The following UTP11 variants were observed in gnomAD, a reference collection of about 807,000 sequenced individuals.
The protein encoded by UTP11 is UTP11 small subunit processome component.
UTP11 carries 29 observed loss-of-function variants against 39.0 expected under a neutral mutation model. The ratio of observed to expected loss-of-function variants is 0.74; its 90% CI spans 0.55 to 1.01. The LOEUF is 1.01. Among genes scored for constraint, UTP11 ranks in the 50% least tolerant of loss-of-function variants. The probability of loss-of-function intolerance (pLI) is 0.00; values close to 1 mark genes in which losing one functional copy is unlikely to be tolerated. For missense variants in UTP11, 281 were observed against 306.0 expected (o/e 0.92, Z 0.61); for synonymous variants, 111 against 105.0 (o/e 1.06, Z -0.35).
intron 2 of UTP11, 118 bp from the exon 3 acceptor site, chr1:38,017,550 G>A: frequency 1.3e-6 from 1 of 767,252 alleles, no homozygotes; most frequent in Non-Finnish European, 2.0e-6. Context: ...GCTTTTTTGA[G>A]TTTCACTCTG....
At chr1:38,018,316 C>T (rs1433429976) in intron 3 of UTP11, 148 bp from the exon 4 acceptor site, 2 of 514,722 alleles carry the variant, frequency 3.9e-6, no homozygotes, top group Middle Eastern at 5.4e-4. Flanking sequence ...AGTGATCTGC[C>T]CATCTCGGTC....
intron 4 of UTP11, 108 bp from the exon 5 acceptor site, chr1:38,018,951 G>T: frequency 1.1e-6 from 1 of 951,066 alleles, no homozygotes; most frequent in Non-Finnish European, 1.5e-6. Context: ...CAAGTTCTTT[G>T]CTGGCTGGCA....
intron 6 of UTP11, 113 bp from the exon 7 acceptor site, chr1:38,022,586 A>T (rs1646744420): frequency 4.4e-6 from 3 of 689,304 alleles, no homozygotes; most frequent in Non-Finnish European, 7.6e-6. Context: ...GATTCTGGTG[A>T]AAGAAGGGAG....
Position 38,017,648 on chromosome 1 carries a change from T to A in UTP11, c.126-20T>A. Reference sequence around the variant, plus strand: ...TATTTTTTTTTTTTTGCTATGAACCTCATTTAACCTGTCTTTTAGTGACTA... The same window carrying A: ...TATTTTTTTTTTTTTGCTATGAACCACATTTAACCTGTCTTTTAGTGACTA... On this transcript the variant is annotated intron_variant, in intron 2 of 7. Transcript: ENST00000373014. 1.9e-5 allele frequency: 24 copies of A among 1,257,666 alleles called. No homozygotes were observed. Among genetic ancestry groups the A allele is most frequent in the African/African-American group, 3.3e-5 (2 of 61,334 alleles). The allele number at this position is 1,257,666 out of a possible 1,614,324, so 77.9% of individuals were successfully genotyped here. A position where few individuals can be genotyped will look rare whatever the true frequency, so the allele number is the denominator to read the frequency against.
Position 38,019,123 on chromosome 1 carries a change from A to T in UTP11, c.407A>T (p.His136Leu). 1 of 1,614,120 alleles carries T rather than the reference A, an allele frequency of 6.2e-7. No homozygotes were observed. Residue 136 changes from histidine (H) to leucine (L), a missense_variant, in exon 5 of 8, where the codon CAT (histidine) becomes CTT (leucine). His to Leu is a moderately conservative substitution (Grantham distance 99). Transcript: ENST00000373014. ...TTCCAGGGGAAGCAACAGAACAAGCATGTGTTCTTTTTTGACACCAAAAAG... is the reference window on the plus strand; with the variant it reads ...TTCCAGGGGAAGCAACAGAACAAGCTTGTGTTCTTTTTTGACACCAAAAAG... ...LDFQGKQQNK[H>L]VFFFDTKKEV...
intron 1 of UTP11, among the ~76,000 whole-genome samples, chr1:38,013,834 C>T (rs762806687): frequency 1.3e-5 from 2 of 152,176 alleles, no homozygotes; most frequent in African/African-American, 4.8e-5. Flanking sequence ...CCTGCCTCAG[C>T]CTCTCGAGTA....
chr1:38,021,841 C>T (rs943571684), intron 6 of UTP11, among the ~76,000 whole-genome samples: 3 of 151,236 alleles, frequency 2.0e-5, no homozygotes, highest in Admixed American at 6.6e-5. Flanking sequence ...TGTAGCGAGC[C>T]GAGATAGTGC....
chr1:38,019,226 T>C (rs1646723246), intron 5 of UTP11, 27 bp from the exon 6 acceptor site: 3 of 1,614,064 alleles, frequency 1.9e-6, no homozygotes, highest in East Asian at 4.5e-5. Context: ...AAACCGACAG[T>C]GCCTTAAGGA....
In UTP11 at chr1:38,016,386, C is replaced by T; in HGVS notation, c.91C>T (p.Leu31=). ...TGGCTTTCGAAAACATCTGGGCCTG[C>T]TGGAGAAAAAGAAAGATTACAAACT... ...QPGFRKHLGL[L]EKKKDYKLRA... The change falls in exon 2 of 8, where the codon CTG becomes TTG. Residue 31 remains leucine (L), a synonymous_variant. Transcript: ENST00000373014. 3 of 1,614,176 alleles carry T rather than the reference C, an allele frequency of 1.9e-6. No individual in the cohort carries two copies. Among genetic ancestry groups the T allele is most frequent in the Non-Finnish European group, 2.5e-6 (3 of 1,180,010 alleles).
intron 6 of UTP11, among the ~76,000 whole-genome samples, chr1:38,020,888 T>G (rs901407988): frequency 3.9e-5 from 6 of 152,154 alleles, no homozygotes; most frequent in African/African-American, 1.4e-4. Context: ...CTCATGAGTG[T>G]TCTTGTGATA....
At chr1:38,016,203 G>T (rs1191200287) in intron 1 of UTP11, among the ~76,000 whole-genome samples, 156 bp from the exon 2 acceptor site, 1 of 152,284 alleles carries the variant, frequency 6.6e-6, no homozygotes, top group East Asian at 1.9e-4. Context: ...GCAGAGCCCA[G>T]TTGTGGGGAG....
rs772863653 is a variant in UTP11, at chr1:38,018,541, C to T, written c.306C>T (p.Val102=). The T allele has an allele frequency of 1.2e-6, 2 of 1,613,680 alleles. No individual in the cohort carries two copies. Among genetic ancestry groups the T allele is most frequent in the South Asian group, 2.2e-5 (2 of 91,008 alleles). The change falls in exon 4 of 8, where the codon GTC becomes GTT. Residue 102 remains valine (V), a synonymous_variant. Coordinates refer to ENST00000373014, the MANE Select transcript of UTP11 (RefSeq NM_016037.4). ...TAAAGCTGATGAGAACTCAGGACGT[C>T]AAATATATAGAAATGAAGAGGGTTG... The part of the protein sequence containing the change: ...EQLKLMRTQD[V]KYIEMKRVAE...
chr1:38,016,883 A>G (rs1400822048), intron 2 of UTP11: 1 of 166,770 alleles, frequency 6.0e-6, no homozygotes, highest in East Asian at 1.6e-4. Flanking sequence ...TTATAAAACA[A>G]TTATCCCCAT....
chr1:38,019,530 C>T (rs1315351583), intron 6 of UTP11, 147 bp downstream of exon 6: 4 of 750,160 alleles, frequency 5.3e-6, no homozygotes, highest in Non-Finnish European at 7.1e-6. Context: ...GTCTCCCAGG[C>T]TGGAGTGCAG....
chr1:38,023,293 T>G (rs115313813), intron 7 of UTP11, among the ~76,000 whole-genome samples: 1 of 152,236 alleles, frequency 6.6e-6, no homozygotes, highest in Admixed American at 6.5e-5. Flanking sequence ...ATTAAAATTA[T>G]AATTTTAAAT....
At position 38,017,657 on chromosome 1, in the gene UTP11, C is replaced by G; in HGVS notation, c.126-11C>G. Reference sequence around the variant, plus strand: ...TTTTTTGCTATGAACCTCATTTAACCTGTCTTTTAGTGACTACCGTAAAAA... The same window carrying G: ...TTTTTTGCTATGAACCTCATTTAACGTGTCTTTTAGTGACTACCGTAAAAA... On this transcript the variant is annotated splice_polypyrimidine_tract_variant and intron_variant, in intron 2 of 7. Coordinates refer to ENST00000373014, the MANE Select transcript of UTP11 (RefSeq NM_016037.4). The G allele has an allele frequency of 7.1e-7, 1 of 1,409,362 alleles. No individual in the cohort carries two copies. Among genetic ancestry groups the G allele is most frequent in the Non-Finnish European group, 9.5e-7 (1 of 1,054,504 alleles). 87.3% of individuals were successfully genotyped at this position (1,409,362 alleles called of 1,614,324 possible). A position where few individuals can be genotyped will look rare whatever the true frequency, so the allele number is the denominator to read the frequency against.
At position 38,012,788 on chromosome 1, in the gene UTP11, C is replaced by T. The variant is rs1232335477; in HGVS notation, c.-15C>T. 7 of 1,614,194 alleles carry T rather than the reference C, an allele frequency of 4.3e-6. No homozygotes were observed. Among genetic ancestry groups the T allele is most frequent in the Non-Finnish European group, 5.9e-6 (7 of 1,180,028 alleles). On this transcript the variant is annotated 5_prime_UTR_variant, in exon 1 of 8. Transcript: ENST00000373014. Reference sequence around the variant, plus strand: ...TCCGGCGTTCTCCACTGATCTTTTCCAAGGCTGTACAGACATGGCGGCGGC... The same window carrying T: ...TCCGGCGTTCTCCACTGATCTTTTCTAAGGCTGTACAGACATGGCGGCGGC...
At chr1:38,017,624 AT>A (rs61711547) in intron 2 of UTP11, 43 bp from the exon 3 acceptor site, 78,454 of 1,030,804 alleles carry the variant, frequency 0.076, no homozygotes, top group Non-Finnish European at 0.085. Flanking sequence ...AAAATTATCT[AT>A]TTTTTTTTTT....
intron 1 of UTP11, 146 bp from the exon 2 acceptor site, chr1:38,016,213 G>A: frequency 1.3e-6 from 1 of 761,416 alleles, no homozygotes; most frequent in Non-Finnish European, 2.2e-6. Flanking sequence ...GTTGTGGGGA[G>A]GGGAGGGAAC....
Sources: allele counts gnomAD v4.1 joint callset (sites outside exome capture counted in the v4.1 genomes callset), GRCh38; gene constraint gnomAD v4.1.1; transcripts MANE v1.5; gene names NCBI Gene and HGNC (gene_info 2026-07-23, HGNC 2026-07-21).